The following DGCR8 variants were observed in gnomAD, a reference collection of about 807,000 sequenced individuals.
The protein encoded by DGCR8 is microprocessor complex subunit DGCR8.
A neutral mutation model predicts 78.5 loss-of-function variants in DGCR8; 14 were observed. The observed-to-expected ratio is 0.18, with a 90% CI of 0.12 to 0.28. DGCR8 has a LOEUF of 0.28. Among genes scored for constraint, DGCR8 ranks in the 10% least tolerant of loss-of-function variants. The pLI, the probability that DGCR8 is intolerant of heterozygous loss-of-function variation, is 1.00. For missense variants in DGCR8, 702 were observed against 1,022.5 expected (o/e 0.69, Z 4.28); for synonymous variants, 399 against 402.4 (o/e 0.99, Z 0.10).
chr22:20,104,212 C>T lies in DGCR8; in HGVS notation c.1789-1965C>T, dbSNP rs545349840. Among the ~76,000 whole-genome samples the T allele has an allele frequency of 8.7e-5, 13 of 150,168 alleles. No individual in the cohort carries two copies. In the South Asian group the frequency reaches 2.5e-3, roughly 29 times the overall value. On this transcript the variant is annotated intron_variant, in intron 9 of 13. Transcript: ENST00000351989. ...TCGCTCTGTCGCCCAGGCCGGACTG[C>T]GGACTGCAGTGGCGCAATCTTGGCT...
chr22:20,103,270 T>C (rs2049726270), intron 9 of DGCR8, among the ~76,000 whole-genome samples: 2 of 152,186 alleles, frequency 1.3e-5, no homozygotes, highest in Non-Finnish European at 2.9e-5. Context: ...TTTATTTAGG[T>C]CTTCTTTGAT....
intron 1 of DGCR8, among the ~76,000 whole-genome samples, chr22:20,083,479 GCTCA>G (rs1020457113): frequency 6.6e-6 from 1 of 151,878 alleles, no homozygotes; most frequent in Non-Finnish European, 1.5e-5. Flanking sequence ...TTCCTAAGGA[GCTCA>G]CTCACTTGTA....
chr22:20,084,834 C>T (rs1006072593), intron 1 of DGCR8: 3 of 241,676 alleles, frequency 1.2e-5, no homozygotes, highest in African/African-American at 4.6e-5. Context: ...GGACTGTCCC[C>T]GTGCCTTGGA....
intron 9 of DGCR8, among the ~76,000 whole-genome samples, chr22:20,105,471 A>G (rs1372770068): frequency 6.6e-6 from 1 of 152,242 alleles, no homozygotes; most frequent in Non-Finnish European, 1.5e-5. Context: ...AGGCACTCTC[A>G]GCTTCAGCCA....
Position 20,089,643 on chromosome 22 carries a change from T to G in DGCR8, c.881-26T>G. On this transcript the variant is annotated intron_variant, in intron 3 of 13. Coordinates refer to ENST00000351989, the MANE Select transcript of DGCR8 (RefSeq NM_022720.7). The surrounding 1 kb of genome is among the most constrained non-coding windows in gnomAD (Gnocchi z 4.9). The stretch of plus-strand genomic sequence containing the variant: ...ATTCCAAGTGTTTTTACAGTGATTA[T>G]AGGATGTTCTTGTCTTCCTGTGCAG... 3.1e-6 allele frequency: 5 copies of G among 1,612,984 alleles called. No homozygotes were observed. The highest frequency in any genetic ancestry group is 4.2e-6 in the Non-Finnish European group (5 of 1,179,508).
At position 20,111,814 on chromosome 22, in the gene DGCR8, G is replaced by T; in HGVS notation, c.*1706G>T. 4.8e-6 allele frequency: 1 copy of T among 208,968 alleles called. No homozygotes were observed. The highest frequency in any genetic ancestry group is 9.5e-6 in the Non-Finnish European group (1 of 105,058). 12.9% of individuals were successfully genotyped at this position (208,968 alleles called of 1,614,324 possible). On this transcript the variant is annotated 3_prime_UTR_variant, in exon 14 of 14. Transcript: ENST00000351989. ...CTGTGCTGATGCCATCCAGGGCACT[G>T]GGCTGTGCCTGGAAGGCGAGCCTTG...
In DGCR8 at chr22:20,110,087, CCT is replaced by C; in HGVS notation, c.2302_2303del (p.Leu768ValfsTer52). 6.2e-7 allele frequency: 1 copy of C among 1,611,642 alleles called. No individual in the cohort carries two copies. ...CGTCCGCCCAGCCTGGCGGTGAGCC[CCT>C]GTGCACCGTGGACGTGTGAGGGAGG... ...VASAQPGGEP[L>X]CTVDV On this transcript the variant is annotated frameshift_variant, in exon 14 of 14. Coordinates refer to ENST00000351989, the MANE Select transcript of DGCR8 (RefSeq NM_022720.7). LOFTEE classifies it high-confidence loss of function.
intron 1 of DGCR8, among the ~76,000 whole-genome samples, chr22:20,082,673 G>C (rs939809086): frequency 4.6e-5 from 7 of 152,182 alleles, no homozygotes; most frequent in Non-Finnish European, 7.3e-5. Context: ...GGCCCAGAGT[G>C]GTTCTTTTAA....
intron 1 of DGCR8, among the ~76,000 whole-genome samples, chr22:20,084,652 C>T (rs2049457140): frequency 1.3e-5 from 2 of 152,216 alleles, no homozygotes; most frequent in Admixed American, 1.3e-4. Context: ...CCCCTCTGTT[C>T]TCCTCGCCAG....
chr22:20,086,520 A>G lies in DGCR8; in HGVS notation c.557A>G (p.Asn186Ser). ...AGTGCTGATAAGAAGGATGAGGAGA[A>G]TGAGCTGGATCAGGAAAAGAGAGTG... is the stretch of plus-strand genomic sequence containing the variant. ...GESADKKDEE[N>S]ELDQEKRVEY... The change falls in exon 2 of 14, where the codon AAT becomes AGT. Residue 186 changes from asparagine (N) to serine (S), a missense_variant. Asn to Ser is a conservative substitution (Grantham distance 46). Around this residue, in one of 4 missense-constraint regions of DGCR8, gnomAD observed 356 missense variants for 448.9 expected, o/e 0.79. Transcript: ENST00000351989. This position sits in a 1 kb window ranked among gnomAD's most constrained non-coding sequence, Gnocchi z 6.4. 1 of 1,614,028 alleles carries G rather than the reference A, an allele frequency of 6.2e-7. No homozygotes were observed. Among genetic ancestry groups the G allele is most frequent in the Non-Finnish European group, 8.5e-7 (1 of 1,180,002 alleles).
rs2049846531 is a variant in DGCR8 at position 20,111,582 on chromosome 22, G to C, written c.*1474G>C. ...TGTGACTGTTGCCCTTAGCCAGCCA[G>C]ATGCGCCTGTGAACCAAAGCTTCGT... On this transcript the variant is annotated 3_prime_UTR_variant, in exon 14 of 14. Transcript: ENST00000351989. The C allele has an allele frequency of 5.1e-6, 2 of 395,582 alleles. No individual in the cohort carries two copies. The highest frequency in any genetic ancestry group is 7.2e-5 in the East Asian group (2 of 27,942). 24.5% of individuals were successfully genotyped at this position (395,582 alleles called of 1,614,324 possible).
chr22:20,081,473 G>A (rs2049417474), intron 1 of DGCR8, among the ~76,000 whole-genome samples: 5 of 152,208 alleles, frequency 3.3e-5, no homozygotes, highest in African/African-American at 4.8e-5. Flanking sequence ...GGAGGCCTAC[G>A]GGCAGAGAGC....
rs1267966576 is a variant in DGCR8, at chr22:20,089,090, C to G, written c.881-579C>G. Among the ~76,000 whole-genome samples the G allele has an allele frequency of 6.6e-6, 1 of 152,248 alleles. No homozygotes were observed. The highest frequency in any genetic ancestry group is 2.4e-5 in the African/African-American group (1 of 41,464). The stretch of plus-strand genomic sequence containing the variant: ...CCTTACGCTCTTCCCAGCAGTCAGG[C>G]CTGGTGGCAGGTGTCAAGTTGATAA... On this transcript the variant is annotated intron_variant, in intron 3 of 13. Transcript: ENST00000351989. This position sits in a 1 kb window ranked among gnomAD's most constrained non-coding sequence, Gnocchi z 4.9.
intron 1 of DGCR8, among the ~76,000 whole-genome samples, chr22:20,081,529 C>T (rs1213157886): frequency 2.6e-5 from 4 of 152,210 alleles, no homozygotes; most frequent in African/African-American, 9.7e-5. Flanking sequence ...GAGCACTTCC[C>T]AGGGGTTGTT....
intron 9 of DGCR8, chr22:20,102,237 A>G (rs1033139231): frequency 1.4e-4 from 41 of 299,300 alleles, no homozygotes; most frequent in Admixed American, 2.6e-4. Flanking sequence ...TTGTTGGTCA[A>G]ACTCTCCCAC....
At chr22:20,097,047 T>A (rs895757998) in intron 9 of DGCR8, among the ~76,000 whole-genome samples, 10 of 152,266 alleles carry the variant, frequency 6.6e-5, no homozygotes, top group Non-Finnish European at 1.2e-4. Flanking sequence ...ATGATTTTTT[T>A]AATATGTTGC....
rs1053337116 is a variant in DGCR8 at position 20,110,021 on chromosome 22, T to C, written c.2239-4T>C. ...GGTACCCCTGACCTTTGTTGTTCTT[T>C]CAGGAGGAGACTCGAAAGAAGCCCA... On this transcript the variant is annotated splice_polypyrimidine_tract_variant and splice_region_variant and intron_variant, in intron 13 of 13. Coordinates refer to ENST00000351989, the MANE Select transcript of DGCR8 (RefSeq NM_022720.7). 1.2e-6 allele frequency: 2 copies of C among 1,613,814 alleles called. No individual in the cohort carries two copies. Among genetic ancestry groups the C allele is most frequent in the Non-Finnish European group, 1.7e-6 (2 of 1,179,968 alleles).
At position 20,110,998 on chromosome 22, in the gene DGCR8, G is replaced by A. The variant is rs2286928; in HGVS notation, c.*890G>A. The A allele has an allele frequency of 0.049, 19,302 of 396,968 alleles. 554 individuals are homozygous for A. Among genetic ancestry groups the A allele is most frequent in the South Asian group, 0.1 (698 of 7,002 alleles). 24.6% of individuals were successfully genotyped at this position (396,968 alleles called of 1,614,324 possible). A position where few individuals can be genotyped will look rare whatever the true frequency, so the allele number is the denominator to read the frequency against. ...ATTTTGAAAGACTTTCACAGTGAGA[G>A]TAGAAGGTAGATTTGGAATCATGCA... On this transcript the variant is annotated 3_prime_UTR_variant, in exon 14 of 14. Transcript: ENST00000351989.
rs781645508 is a variant in DGCR8, at chr22:20,086,141, G to A, written c.178G>A (p.Glu60Lys). 5 of 1,614,022 alleles carry A rather than the reference G, an allele frequency of 3.1e-6. No homozygotes were observed. The highest frequency in any genetic ancestry group is 2.2e-5 in the South Asian group (2 of 91,066). The change falls in exon 2 of 14, where the codon GAA becomes AAA. Residue 60 changes from glutamate to lysine, a missense_variant. Physicochemically the swap from Glu to Lys is moderately conservative, Grantham distance 56 (BLOSUM62 1). Around this residue, in one of 4 missense-constraint regions of DGCR8, gnomAD observed 356 missense variants for 448.9 expected, o/e 0.79. Coordinates refer to ENST00000351989, the MANE Select transcript of DGCR8 (RefSeq NM_022720.7). This position sits in a 1 kb window ranked among gnomAD's most constrained non-coding sequence, Gnocchi z 6.4. ...TGGCTCTGGTGGTGATGGACAGTCC[G>A]AACTCCCTGCTGAGGACCCCTTCAA... ...DVGSGGDGQS[E>K]LPAEDPFNFY...
Sources: allele counts gnomAD v4.1 joint callset (sites outside exome capture counted in the v4.1 genomes callset), GRCh38; gene constraint gnomAD v4.1.1; regional missense constraint gnomAD v4.1.1; non-coding constraint Gnocchi (gnomAD v3.1); transcripts MANE v1.5; gene names NCBI Gene and HGNC (gene_info 2026-07-23, HGNC 2026-07-21).